MGA: variants seen among roughly 807,000 people sequenced by gnomAD.
MGA encodes MAX dimerization protein MGA.
In MGA, 40 loss-of-function variants were observed where a neutral mutation model predicts 261.1. That is an observed-to-expected ratio of 0.15 (90% CI 0.12 to 0.20). The LOEUF is 0.20. Ranked by LOEUF, MGA falls within the 10% of genes least tolerant of loss-of-function variation. The pLI is 1.00. For synonymous variants in MGA, 1,302 were observed against 1,290.6 expected, an observed-to-expected ratio of 1.01 and a Z score of -0.19; for missense variants, 3,397 against 3,630.5, an observed-to-expected ratio of 0.94 and a Z score of 1.65.
At chr15:41,655,904 G>A (rs2057158077), upstream of MGA, among the ~76,000 whole-genome samples, 1 of 152,146 alleles carries the variant, frequency 6.6e-6, no homozygotes, top group South Asian at 2.1e-4. Flanking sequence ...CACATTGTTG[G>A]ACACTGAATC....
intron 1 of MGA, among the ~76,000 whole-genome samples, chr15:41,631,908 T>C (rs780697567): frequency 2.6e-5 from 4 of 152,090 alleles, no homozygotes; most frequent in African/African-American, 9.7e-5. Flanking sequence ...AAATGGCAAG[T>C]GTTGTTTTTT....
In MGA at chr15:41,644,511, G is replaced by A. The variant is rs372841596; in HGVS notation, c.-68+23213G>A. On this transcript the variant is annotated intron_variant, in intron 1 of 8. Coordinates refer to the MGA transcript ENST00000566718. ...TCTCTACTAAAAATACTAAAAATTA[G>A]CCAGGCATGGTGATCACGCACCTGT... Among the ~76,000 whole-genome samples, 84 of 151,958 alleles carry A rather than the reference G, an allele frequency of 5.5e-4. 1 individual carries two copies. The highest frequency in any genetic ancestry group is 1.8e-3 in the African/African-American group (76 of 41,426).
chr15:41,699,205 C>A (rs1179419154), intron 5 of MGA, 46 bp downstream of exon 5: 2 of 1,256,380 alleles, frequency 1.6e-6, no homozygotes, highest in Non-Finnish European at 2.2e-6. Context: ...TTTTTTCTTT[C>A]TTCCCTACTG....
At chr15:41,665,861 CA>C (rs1210246046) in intron 1 of MGA, among the ~76,000 whole-genome samples, 4 of 152,186 alleles carry the variant, frequency 2.6e-5, no homozygotes, top group East Asian at 3.9e-4. Context: ...TGGAATCATA[CA>C]ATATATGTGA....
chr15:41,676,290 C>A lies in MGA; in HGVS notation c.1064+6332C>A, dbSNP rs144077029. ...CTCCATGTCCTGGGTTCAAGTGATT[C>A]TCCTGCCTCAGCCTCCCGAGTAGCT... is the stretch of plus-strand genomic sequence containing the variant. On this transcript the variant is annotated intron_variant, in intron 2 of 23. Transcript: ENST00000219905. Among the ~76,000 whole-genome samples, 12 of 152,114 alleles carry A rather than the reference C, an allele frequency of 7.9e-5. No homozygotes were observed. In the East Asian group the frequency reaches 1.9e-3, roughly 25 times the overall value.
chr15:41,680,206 G>A (rs1192465839), intron 2 of MGA, among the ~76,000 whole-genome samples: 1 of 152,120 alleles, frequency 6.6e-6, no homozygotes, highest in Non-Finnish European at 1.5e-5. Flanking sequence ...TTACTTTGAT[G>A]CATTTCTTAC....
intron 2 of MGA, among the ~76,000 whole-genome samples, chr15:41,676,554 GT>G (rs911170793): frequency 3.3e-5 from 5 of 151,982 alleles, no homozygotes; most frequent in African/African-American, 1.2e-4. Flanking sequence ...TAGAATCCTG[GT>G]TTTTTTTCTC....
upstream of MGA, among the ~76,000 whole-genome samples, chr15:41,656,986 T>G (rs1041733618): frequency 6.6e-5 from 10 of 152,092 alleles, no homozygotes; most frequent in African/African-American, 2.4e-4. Flanking sequence ...TTGTCCAGGC[T>G]GGTTTTGAAC....
chr15:41,696,155 A>G lies in MGA; in HGVS notation c.1145A>G (p.Lys382Arg), dbSNP rs1437267688. ...AACGGAAGCTTCAATGTTGTTATTA[A>G]AGAGGAACCTCTAGATGATTATGAC... Residue 382 changes from lysine (K) to arginine (R), a missense_variant, in exon 3 of 24, where the codon AAA becomes AGA. Lys to Arg is a conservative substitution (Grantham distance 26). Around this residue, in one of 9 missense-constraint regions of MGA, gnomAD observed 563 missense variants for 563.6 expected, o/e 1.00. Transcript: ENST00000219905. 1.9e-6 allele frequency: 3 copies of G among 1,613,844 alleles called. No individual in the cohort carries two copies. In the Admixed American group the frequency reaches 5.0e-5, roughly 27 times the overall value.
intron 14 of MGA, 114 bp downstream of exon 14, chr15:41,740,317 A>G: frequency 8.5e-7 from 1 of 1,171,950 alleles, no homozygotes; most frequent in East Asian, 2.6e-5. Flanking sequence ...CATTATTCTT[A>G]TTCTTGTTGT....
chr15:41,714,721 G>C (rs2060542387), intron 9 of MGA, among the ~76,000 whole-genome samples: 1 of 152,140 alleles, frequency 6.6e-6, no homozygotes, highest in Admixed American at 6.5e-5. Flanking sequence ...TTGAACTCCT[G>C]AGCTCAGGCA....
intron 2 of MGA, among the ~76,000 whole-genome samples, chr15:41,679,637 A>G (rs2058563695): frequency 6.6e-6 from 1 of 152,034 alleles, no homozygotes; most frequent in Non-Finnish European, 1.5e-5. Context: ...GTGTAGAAAT[A>G]CAATTGATTT....
chr15:41,703,767 T>C (rs928567348), intron 5 of MGA, among the ~76,000 whole-genome samples: 1 of 152,130 alleles, frequency 6.6e-6, no homozygotes, highest in Non-Finnish European at 1.5e-5. Flanking sequence ...AATTCACTTA[T>C]CAGTGTGGAC....
chr15:41,684,429 C>T, intron 2 of MGA: 1 of 449,682 alleles, frequency 2.2e-6, no homozygotes, highest in Admixed American at 2.4e-5. Context: ...ATAGAAGAGA[C>T]TTCTCAGAAG....
At chr15:41,684,186 A>G (rs2058824482) in intron 2 of MGA, among the ~76,000 whole-genome samples, 1 of 152,148 alleles carries the variant, frequency 6.6e-6, no homozygotes, top group Non-Finnish European at 1.5e-5. Context: ...CTCTGTGCCT[A>G]ACAAAATGTC....
At chr15:41,653,373 AAAAAAACAAC>A (rs940359299) in intron 1 of MGA, among the ~76,000 whole-genome samples, 1 of 151,860 alleles carries the variant, frequency 6.6e-6, no homozygotes, top group African/African-American at 2.4e-5. Flanking sequence ...CATCTCAGAA[AAAAAAACAAC>A]AAAAAACAAC....
At chr15:41,637,520 C>T (rs1648540580) in intron 1 of MGA, among the ~76,000 whole-genome samples, 2 of 152,108 alleles carry the variant, frequency 1.3e-5, no homozygotes, top group African/African-American at 4.8e-5. Flanking sequence ...GTTGAAATCA[C>T]TTGTTAGGTA....
At chr15:41,643,657 C>T (rs192284930) in intron 1 of MGA, among the ~76,000 whole-genome samples, 5 of 152,112 alleles carry the variant, frequency 3.3e-5, no homozygotes, top group African/African-American at 1.2e-4. Context: ...CTTTTCTGTA[C>T]ATTGCCTTTT....
chr15:41,744,865 T>C (rs1436453566), intron 15 of MGA, among the ~76,000 whole-genome samples: 1 of 151,972 alleles, frequency 6.6e-6, no homozygotes, highest in East Asian at 1.9e-4. Flanking sequence ...TATATGTAAA[T>C]GTGTGTGTGT....
Sources: allele counts gnomAD v4.1 joint callset (sites outside exome capture counted in the v4.1 genomes callset), GRCh38; gene constraint gnomAD v4.1.1; regional missense constraint gnomAD v4.1.1; transcripts MANE v1.5; gene names NCBI Gene and HGNC (gene_info 2026-07-23, HGNC 2026-07-21).